SMAP1: variants seen among roughly 807,000 people sequenced by gnomAD.
SMAP1 encodes the protein small ArfGAP 1, also known as stromal membrane-associated protein 1.
In SMAP1, 24 loss-of-function variants were observed where a neutral mutation model predicts 58.5. The observed-to-expected ratio is 0.41, with a 90% CI of 0.30 to 0.58. The LOEUF (loss-of-function observed/expected upper bound fraction) is 0.58. Ranked by LOEUF, SMAP1 falls within the 20% of genes least tolerant of loss-of-function variation. The pLI is 0.29. For synonymous variants in SMAP1, 216 were observed against 196.6 expected, an observed-to-expected ratio of 1.10 and a Z score of -0.82; for missense variants, 563 against 566.3, an observed-to-expected ratio of 0.99 and a Z score of 0.06.
At chr6:70,832,634 A>G (rs1330373205) in intron 6 of SMAP1, among the ~76,000 whole-genome samples, 1 of 152,198 alleles carries the variant, frequency 6.6e-6, no homozygotes, top group Non-Finnish European at 1.5e-5. Context: ...GAGATGTCCA[A>G]GAGGACAGCT....
chr6:70,767,178 C>G (rs374324400), intron 3 of SMAP1, among the ~76,000 whole-genome samples: 2 of 151,940 alleles, frequency 1.3e-5, no homozygotes, highest in East Asian at 3.9e-4. Flanking sequence ...AGTCAGGTAG[C>G]GTGATGCCTC....
At chr6:70,773,263 A>G in intron 3 of SMAP1, 87 bp from the exon 4 acceptor site, 2 of 740,458 alleles carry the variant, frequency 2.7e-6, no homozygotes, top group South Asian at 3.7e-5. Context: ...AATTAAATTT[A>G]GAGTCCCAGC....
chr6:70,685,266 G>A (rs1023149788), intron 1 of SMAP1, among the ~76,000 whole-genome samples: 1 of 148,434 alleles, frequency 6.7e-6, no homozygotes, highest in African/African-American at 2.5e-5. Context: ...GAAGCCTCAG[G>A]AAAATAAAGT....
At chr6:70,789,418 T>C (rs1037113753) in intron 4 of SMAP1, among the ~76,000 whole-genome samples, 2 of 127,958 alleles carry the variant, frequency 1.6e-5, no homozygotes, top group Non-Finnish European at 3.5e-5. Context: ...TAGAGTTTTA[T>C]GTGAGTGGTT....
chr6:70,806,505 C>G (rs576495477), intron 6 of SMAP1, among the ~76,000 whole-genome samples: 52 of 152,302 alleles, frequency 3.4e-4, no homozygotes, highest in African/African-American at 1.2e-3. Flanking sequence ...CCTCCGTGGG[C>G]TGCACCCACT....
chr6:70,702,212 T>TG (rs367809929), intron 1 of SMAP1, among the ~76,000 whole-genome samples: 1,842 of 151,156 alleles, frequency 0.012, 19 homozygotes, highest in Non-Finnish European at 0.02. Flanking sequence ...GTTTCTTTTT[T>TG]GGGGGGGGTT....
intron 1 of SMAP1, among the ~76,000 whole-genome samples, chr6:70,674,440 T>C (rs1766394561): frequency 6.6e-6 from 1 of 152,186 alleles, no homozygotes; most frequent in Non-Finnish European, 1.5e-5. Flanking sequence ...ACGCTTCTAC[T>C]AATCGTCTTT....
intron 1 of SMAP1, among the ~76,000 whole-genome samples, chr6:70,703,978 G>A (rs924656556): frequency 2.6e-5 from 4 of 152,122 alleles, no homozygotes; most frequent in African/African-American, 7.2e-5. Flanking sequence ...CTTCAGCAAT[G>A]TGTTATATAT....
At chr6:70,684,830 C>T (rs150581878) in intron 1 of SMAP1, among the ~76,000 whole-genome samples, 88 of 152,222 alleles carry the variant, frequency 5.8e-4, no homozygotes, top group Non-Finnish European at 6.6e-4. Context: ...CTGCTCTTCT[C>T]TTCTCTTTTA....
chr6:70,796,216 C>T (rs1768601255), intron 5 of SMAP1, among the ~76,000 whole-genome samples: 1 of 152,186 alleles, frequency 6.6e-6, no homozygotes, highest in Non-Finnish European at 1.5e-5. Flanking sequence ...AGAGCCAAAA[C>T]AGTGCCTGGC....
Position 70,833,817 on chromosome 6 carries a change from A to G in SMAP1, c.577-3124A>G, listed in dbSNP as rs569033234. Among the ~76,000 whole-genome samples, 385 of 152,332 alleles carry G rather than the reference A, an allele frequency of 2.5e-3. 1 individual carries two copies. Among genetic ancestry groups the G allele is most frequent in the Non-Finnish European group, 4.5e-3 (304 of 68,020 alleles). ...GCCAAAAAAAGTTTCGTTGTGGCCCATAAAATAGATTTCAAAAACTGCTAG... is the reference window on the plus strand; with the variant it reads ...GCCAAAAAAAGTTTCGTTGTGGCCCGTAAAATAGATTTCAAAAACTGCTAG... On this transcript the variant is annotated intron_variant, in intron 6 of 10. Transcript: ENST00000370455.
Position 70,731,538 on chromosome 6 carries a change from C to G in SMAP1, c.119-840C>G, listed in dbSNP as rs189371774. Among the ~76,000 whole-genome samples the G allele has an allele frequency of 1.4e-4, 22 of 152,338 alleles. No homozygotes were observed. In the East Asian group the frequency reaches 3.9e-3, roughly 27 times the overall value. ...CTCCAAGCCCACAGTGAACTTTTCC[C>G]TGATCACATCCTCTTTCCTTACCAC... On this transcript the variant is annotated intron_variant, in intron 1 of 10. Transcript: ENST00000370455.
chr6:70,726,009 A>G (rs1056229443), intron 1 of SMAP1, among the ~76,000 whole-genome samples: 3 of 152,302 alleles, frequency 2.0e-5, no homozygotes, highest in African/African-American at 7.2e-5. Context: ...TGGAATTACC[A>G]TAGTAGGAGA....
At chr6:70,775,958 C>G (rs1767529278) in intron 4 of SMAP1, among the ~76,000 whole-genome samples, 1 of 152,100 alleles carries the variant, frequency 6.6e-6, no homozygotes, top group East Asian at 1.9e-4. Context: ...TTCAGTGTTT[C>G]ATCTTCAGTA....
intron 1 of SMAP1, among the ~76,000 whole-genome samples, chr6:70,727,452 C>T (rs1464129124): frequency 6.6e-6 from 1 of 152,154 alleles, no homozygotes; most frequent in African/African-American, 2.4e-5. Context: ...ACAAAGCCTC[C>T]ATTAATATTG....
At chr6:70,745,400 A>T (rs980620798) in intron 2 of SMAP1, among the ~76,000 whole-genome samples, 2 of 152,214 alleles carry the variant, frequency 1.3e-5, no homozygotes, top group Non-Finnish European at 2.9e-5. Context: ...ATGGCTAGCC[A>T]GTTTTCCCAG....
rs555588564 is a variant in SMAP1 at position 70,852,940 on chromosome 6, C to G, written c.789+276C>G. Among the ~76,000 whole-genome samples the G allele has an allele frequency of 2.0e-5, 3 of 152,250 alleles. No individual in the cohort carries two copies. In the South Asian group the frequency reaches 6.2e-4, roughly 32 times the overall value. ...TTAAAAACAGAGAATGTATAGCCCA[C>G]AAAACCTAAAATATTCACTGTCTTT... On this transcript the variant is annotated intron_variant, in intron 8 of 10. Transcript: ENST00000370455.
At chr6:70,781,621 C>T (rs1350667960) in intron 4 of SMAP1, among the ~76,000 whole-genome samples, 1 of 152,178 alleles carries the variant, frequency 6.6e-6, no homozygotes, top group Admixed American at 6.5e-5. Flanking sequence ...AGATGTTTTT[C>T]AGTGACTGTA....
chr6:70,859,181 A>G (rs1771581598), intron 10 of SMAP1: 1 of 547,920 alleles, frequency 1.8e-6, no homozygotes. Context: ...ACAAGAATAT[A>G]GGTAAAACAT....
Sources: gnomAD v4.1 joint callset for allele counts (sites outside exome capture counted in the v4.1 genomes callset) on GRCh38, gnomAD v4.1.1 for gene constraint, MANE v1.5 for transcripts, NCBI Gene and HGNC (gene_info 2026-07-23, HGNC 2026-07-21) for gene names.